Variants in RAP1A observed in about 807,000 individuals in gnomAD.
The protein encoded by RAP1A is ras-related protein Rap-1A.
RAP1A carries 6 observed loss-of-function variants against 26.4 expected under a neutral mutation model. That is an observed-to-expected ratio of 0.23 (90% CI 0.12 to 0.45). RAP1A has a LOEUF of 0.45. Ranked by LOEUF, RAP1A falls within the 20% of genes least tolerant of loss-of-function variation. RAP1A has a pLI of 0.99. For synonymous variants in RAP1A, 73 were observed against 79.4 expected (o/e 0.92, Z 0.43); for missense variants, 121 against 217.2 (o/e 0.56, Z 2.78).
chr1:111,708,277 A>C (rs1198544525), intron 6 of RAP1A, among the ~76,000 whole-genome samples: 1 of 152,260 alleles, frequency 6.6e-6, no homozygotes, highest in Non-Finnish European at 1.5e-5. Context: ...AACATCAAAA[A>C]AAGGCAAACA....
chr1:111,588,687 A>G (rs1351187306), intron 1 of RAP1A, among the ~76,000 whole-genome samples: 1 of 152,164 alleles, frequency 6.6e-6, no homozygotes, highest in Non-Finnish European at 1.5e-5. Context: ...CCTCTCAAGC[A>G]TCTTTTCCCT....
intron 1 of RAP1A, among the ~76,000 whole-genome samples, chr1:111,668,100 C>T (rs72697807): frequency 0.13 from 19,264 of 152,202 alleles, 1,546 homozygotes; most frequent in South Asian, 0.18. Context: ...TATTCTTTGA[C>T]ATTTTATAGT....
intron 3 of RAP1A, 71 bp downstream of exon 3, chr1:111,695,480 T>G: frequency 1.7e-6 from 2 of 1,161,758 alleles, no homozygotes; most frequent in Non-Finnish European, 2.4e-6. Flanking sequence ...ATCTGTAGAT[T>G]TGCTTTTTGA....
intron 1 of RAP1A, chr1:111,608,206 T>TCGGCCGCC (rs1453187062): frequency 6.3e-6 from 1 of 159,752 alleles, no homozygotes; most frequent in African/African-American, 2.6e-5. Context: ...GCAGAGACGC[T>TCGGCCGCC]CCTCACCTCC....
At chr1:111,579,775 G>A (rs1193157820) in intron 1 of RAP1A, among the ~76,000 whole-genome samples, 2 of 150,980 alleles carry the variant, frequency 1.3e-5, no homozygotes, top group Admixed American at 1.3e-4. Flanking sequence ...TTAAAATAAA[G>A]TGTTGAATAT....
chr1:111,629,813 A>T (rs1304011739), intron 1 of RAP1A, among the ~76,000 whole-genome samples: 1 of 152,176 alleles, frequency 6.6e-6, no homozygotes, highest in Non-Finnish European at 1.5e-5. Flanking sequence ...TTCATTTGCT[A>T]AAGGGATCTC....
At position 111,619,811 on chromosome 1, in the gene RAP1A, C is replaced by G; in HGVS notation, c.-151C>G. The G allele has an allele frequency of 5.0e-6, 2 of 399,452 alleles. No homozygotes were observed. Among genetic ancestry groups the G allele is most frequent in the Non-Finnish European group, 8.8e-6 (2 of 227,076 alleles). The allele number at this position is 399,452 out of a possible 1,614,324, so 24.7% of individuals were successfully genotyped here. A position where few individuals can be genotyped will look rare whatever the true frequency, so the allele number is the denominator to read the frequency against. ...GCCGCCGCCGCTCCCGAGGCCCCTG[C>G]CGCCGCCGCTCCCGCTGCTGTCGCC... On this transcript the variant is annotated 5_prime_UTR_variant, in exon 1 of 8. Coordinates refer to ENST00000369709, the MANE Select transcript of RAP1A (RefSeq NM_002884.4).
chr1:111,669,844 T>C (rs1660919775), intron 1 of RAP1A, among the ~76,000 whole-genome samples: 1 of 152,208 alleles, frequency 6.6e-6, no homozygotes, highest in African/African-American at 2.4e-5. Context: ...ACCTAAAGTC[T>C]TCATAGTTAA....
chr1:111,642,646 C>T (rs565404857), intron 1 of RAP1A, among the ~76,000 whole-genome samples: 185 of 152,120 alleles, frequency 1.2e-3, no homozygotes, highest in African/African-American at 3.9e-3. Context: ...TGCCACCACG[C>T]GCGGCTAGTT....
intron 1 of RAP1A, among the ~76,000 whole-genome samples, chr1:111,629,852 A>G (rs1020933493): frequency 4.6e-5 from 7 of 152,178 alleles, no homozygotes; most frequent in African/African-American, 9.6e-5. Flanking sequence ...TTTAATGTCT[A>G]CAAACTATAA....
chr1:111,670,524 A>T (rs1283646088), intron 1 of RAP1A, among the ~76,000 whole-genome samples: 1 of 152,138 alleles, frequency 6.6e-6, no homozygotes, highest in Non-Finnish European at 1.5e-5. Flanking sequence ...TGAGGCAGGT[A>T]TCCAACTTAG....
intron 7 of RAP1A, among the ~76,000 whole-genome samples, chr1:111,712,210 G>A (rs1662406246): frequency 6.6e-6 from 1 of 152,072 alleles, no homozygotes; most frequent in Admixed American, 6.5e-5. Context: ...ATCAGTTATA[G>A]ACTCCTCTTG....
intron 1 of RAP1A, among the ~76,000 whole-genome samples, chr1:111,638,882 G>A (rs1659805852): frequency 1.3e-5 from 2 of 150,344 alleles, no homozygotes; most frequent in African/African-American, 4.9e-5. Flanking sequence ...TTTTTTTTAA[G>A]ACAAGTATAT....
chr1:111,574,925 T>C (rs1658115430), intron 1 of RAP1A, among the ~76,000 whole-genome samples: 1 of 152,224 alleles, frequency 6.6e-6, no homozygotes, highest in South Asian at 2.1e-4. Context: ...TAGCAGTAGA[T>C]AGTGTAAGCA....
intron 1 of RAP1A, among the ~76,000 whole-genome samples, chr1:111,621,370 T>C (rs1371892159): frequency 1.3e-5 from 2 of 152,206 alleles, no homozygotes; most frequent in Non-Finnish European, 2.9e-5. Flanking sequence ...CCCCAGACTT[T>C]CTGTCTTTAT....
chr1:111,654,625 T>C (rs1005459907), intron 1 of RAP1A, among the ~76,000 whole-genome samples: 3 of 152,062 alleles, frequency 2.0e-5, no homozygotes, highest in Non-Finnish European at 4.4e-5. Context: ...AGTAAAATTC[T>C]TAGAAACATG....
chr1:111,703,518 T>A, intron 5 of RAP1A, 42 bp downstream of exon 5: 1 of 1,454,144 alleles, frequency 6.9e-7, no homozygotes, highest in Non-Finnish European at 9.2e-7. Context: ...GCCATCTCTC[T>A]GTGGCCAAAT....
At chr1:111,557,287 G>A (rs541517649) in intron 1 of RAP1A, among the ~76,000 whole-genome samples, 7 of 152,234 alleles carry the variant, frequency 4.6e-5, no homozygotes, top group East Asian at 1.9e-4. Flanking sequence ...GGTGGCTCAC[G>A]CCTGTAATCC....
intron 1 of RAP1A, among the ~76,000 whole-genome samples, chr1:111,640,367 A>G (rs1659855982): frequency 6.6e-6 from 1 of 152,140 alleles, no homozygotes; most frequent in South Asian, 2.1e-4. Context: ...ATTATTTCTC[A>G]TTATTTAAAA....
Sources: gnomAD v4.1 joint callset for allele counts (sites outside exome capture counted in the v4.1 genomes callset) on GRCh38, gnomAD v4.1.1 for gene constraint, MANE v1.5 for transcripts, NCBI Gene and HGNC (gene_info 2026-07-23, HGNC 2026-07-21) for gene names.